The following MEI4 variants were observed in gnomAD, a reference collection of about 807,000 sequenced individuals.
The protein encoded by MEI4 is meiosis-specific protein MEI4.
In MEI4, 27 loss-of-function variants were observed where a neutral mutation model predicts 31.4. The observed-to-expected ratio is 0.86, with a 90% confidence interval of 0.63 to 1.19. The LOEUF is 1.19. Ranked by LOEUF, MEI4 falls within the 50% of genes most tolerant of loss-of-function variation. MEI4 has a pLI of 0.00. For missense variants in MEI4, 329 were observed against 398.9 expected, an observed-to-expected ratio of 0.82 and a Z score of 1.49; for synonymous variants, 122 against 145.4, an observed-to-expected ratio of 0.84 and a Z score of 1.16.
chr6:77,656,289 T>A (rs1164938962), intron 1 of MEI4, among the ~76,000 whole-genome samples: 1 of 152,156 alleles, frequency 6.6e-6, no homozygotes, highest in African/African-American at 2.4e-5. Flanking sequence ...ATTGATTGCT[T>A]GCTTCTTTTC....
chr6:77,913,285 G>A (rs1766470830), intron 4 of MEI4, among the ~76,000 whole-genome samples: 1 of 152,120 alleles, frequency 6.6e-6, no homozygotes, highest in Admixed American at 6.6e-5. Context: ...TGGTAGTAGG[G>A]TAATAACTGG....
At chr6:77,779,538 A>G (rs1288128454) in intron 3 of MEI4, among the ~76,000 whole-genome samples, 4 of 152,220 alleles carry the variant, frequency 2.6e-5, no homozygotes, top group African/African-American at 7.2e-5. Context: ...TTAAAATTAC[A>G]TGTGTATAAA....
At chr6:77,879,004 A>G (rs931380593) in intron 4 of MEI4, among the ~76,000 whole-genome samples, 7 of 152,044 alleles carry the variant, frequency 4.6e-5, no homozygotes, top group African/African-American at 1.4e-4. Context: ...TCAGAATCCA[A>G]TTTTTTTCAA....
chr6:77,792,743 C>T (rs541515985), intron 3 of MEI4, among the ~76,000 whole-genome samples: 12 of 151,270 alleles, frequency 7.9e-5, no homozygotes, highest in Admixed American at 2.6e-4. Context: ...GACGGAGTCT[C>T]GCTCTATTGC....
chr6:77,699,898 C>T (rs1162048481), intron 2 of MEI4, among the ~76,000 whole-genome samples: 1 of 152,154 alleles, frequency 6.6e-6, no homozygotes, highest in Non-Finnish European at 1.5e-5. Flanking sequence ...ACAGCGGTGG[C>T]TGTAGAACAG....
At chr6:77,884,586 C>T (rs1289353350) in intron 4 of MEI4, among the ~76,000 whole-genome samples, 3 of 152,102 alleles carry the variant, frequency 2.0e-5, no homozygotes, top group African/African-American at 7.2e-5. Flanking sequence ...ATCCAGTTGT[C>T]TCAGCACCAT....
intron 3 of MEI4, among the ~76,000 whole-genome samples, chr6:77,781,609 C>G (rs891348272): frequency 2.6e-5 from 4 of 152,068 alleles, no homozygotes; most frequent in Non-Finnish European, 5.9e-5. Context: ...TCATTATGGT[C>G]TACATTATTA....
At chr6:77,879,644 A>G (rs1771430431) in intron 4 of MEI4, among the ~76,000 whole-genome samples, 1 of 152,202 alleles carries the variant, frequency 6.6e-6, no homozygotes, top group South Asian at 2.1e-4. Flanking sequence ...ATTGGAGTTG[A>G]AGAGATAAAA....
chr6:77,921,834 C>G (rs188519730), intron 4 of MEI4, among the ~76,000 whole-genome samples: 17 of 151,710 alleles, frequency 1.1e-4, no homozygotes, highest in Non-Finnish European at 2.1e-4. Context: ...GTTAAGTTCA[C>G]CATCTGATAT....
chr6:77,684,632 C>T (rs9443440), intron 1 of MEI4, among the ~76,000 whole-genome samples: 1 of 152,076 alleles, frequency 6.6e-6, no homozygotes, highest in Admixed American at 6.6e-5. Context: ...GCTTATTTTA[C>T]TTAATATAAT....
In MEI4 at chr6:77,755,572, C is replaced by T. The variant is rs564137464; in HGVS notation, c.233-5558C>T. On this transcript the variant is annotated intron_variant, in intron 2 of 4. Coordinates refer to ENST00000684080, the MANE Select transcript of MEI4 (RefSeq NM_001322247.2). ...TAGCTGAGATTACAGGCACACACCA[C>T]CACACCCGGCTAACTTTTGTATTTT... 5.3e-5 allele frequency among the ~76,000 whole-genome samples: 8 copies of T among 152,178 alleles called. No individual in the cohort carries two copies. In the East Asian group the frequency reaches 1.4e-3, roughly 26 times the overall value.
chr6:77,678,334 G>A (rs60324587), intron 1 of MEI4, among the ~76,000 whole-genome samples: 1 of 152,212 alleles, frequency 6.6e-6, no homozygotes, highest in Non-Finnish European at 1.5e-5. Flanking sequence ...TGACTGTCAT[G>A]AATTTGTTTG....
intron 3 of MEI4, among the ~76,000 whole-genome samples, chr6:77,779,394 C>T (rs1582133382): frequency 3.3e-5 from 5 of 152,098 alleles, no homozygotes. Context: ...TAATTTAGTA[C>T]CCTTGTCACA....
At chr6:77,752,097 T>C (rs758433139) in intron 2 of MEI4, among the ~76,000 whole-genome samples, 22 of 152,134 alleles carry the variant, frequency 1.4e-4, no homozygotes, top group Non-Finnish European at 2.8e-4. Flanking sequence ...CTCAGTAAAC[T>C]AGGTATTGAT....
intron 1 of MEI4, 22 bp from the exon 2 acceptor site, chr6:77,690,636 C>CT: frequency 8.8e-7 from 1 of 1,139,266 alleles, no homozygotes; most frequent in South Asian, 4.5e-5. Context: ...ATTTCTATAA[C>CT]TTTTTTCTTA....
chr6:77,702,344 T>C (rs913584263), intron 2 of MEI4, among the ~76,000 whole-genome samples: 2 of 152,186 alleles, frequency 1.3e-5, no homozygotes, highest in Non-Finnish European at 2.9e-5. Flanking sequence ...GAAAATTCAA[T>C]GCGTAAGCAT....
At chr6:77,653,642 C>A (rs188544172) in intron 1 of MEI4, among the ~76,000 whole-genome samples, 1 of 152,046 alleles carries the variant, frequency 6.6e-6, no homozygotes, top group East Asian at 1.9e-4. Context: ...AGAAAAGGAT[C>A]TTTTCTGAAA....
chr6:77,683,870 C>T (rs976594142), intron 1 of MEI4, among the ~76,000 whole-genome samples: 1 of 152,150 alleles, frequency 6.6e-6, no homozygotes, highest in Admixed American at 6.6e-5. Context: ...TTTTGACATA[C>T]TGATTTCATT....
intron 4 of MEI4, among the ~76,000 whole-genome samples, chr6:77,906,765 T>G (rs1766305551): frequency 6.6e-6 from 1 of 152,140 alleles, no homozygotes; most frequent in African/African-American, 2.4e-5. Context: ...CACAGGTGCA[T>G]CCATTGCCAC....
Sources: allele counts gnomAD v4.1 joint callset (sites outside exome capture counted in the v4.1 genomes callset), GRCh38; gene constraint gnomAD v4.1.1; transcripts MANE v1.5; gene names NCBI Gene and HGNC (gene_info 2026-07-23, HGNC 2026-07-21).